The following OCSTAMP variants were observed in gnomAD, a reference collection of about 807,000 sequenced individuals.
The protein encoded by OCSTAMP is osteoclast stimulatory transmembrane protein, also known as transmembrane protein C20orf123.
Under a neutral mutation model 25.2 loss-of-function variants are expected in OCSTAMP, and 17 were observed. The ratio of observed to expected loss-of-function variants is 0.68; its 90% confidence interval spans 0.46 to 1.01. The LOEUF (loss-of-function observed/expected upper bound fraction) is 1.01. Among genes scored for constraint, OCSTAMP ranks in the 50% least tolerant of loss-of-function variants. OCSTAMP has a pLI of 0.00. For missense variants in OCSTAMP, 664 were observed against 694.6 expected (o/e 0.96, Z 0.50); for synonymous variants, 345 against 318.9 (o/e 1.08, Z -0.87).
chr20:46,541,074 G>T lies in OCSTAMP; in HGVS notation c.*200C>A. 1.9e-6 allele frequency: 1 copy of T among 536,140 alleles called. No individual in the cohort carries two copies. The highest frequency in any genetic ancestry group is 3.3e-6 in the Non-Finnish European group (1 of 301,434). 33.2% of individuals were successfully genotyped at this position (536,140 alleles called of 1,614,324 possible). ...TTTATTTATAAAATTAAAACTATGG[G>T]TTACTATAAATGAGTTTAGAGGATT... On this transcript the variant is annotated 3_prime_UTR_variant, in exon 3 of 3. Coordinates refer to ENST00000279028, the MANE Select transcript of OCSTAMP (RefSeq NM_080721.3).
chr20:46,544,554 A>C (rs2061845159), intron 2 of OCSTAMP, among the ~76,000 whole-genome samples: 1 of 152,280 alleles, frequency 6.6e-6, no homozygotes, highest in Admixed American at 6.5e-5. Flanking sequence ...AAAATTAAAA[A>C]TAAAAAGATC....
Position 46,550,579 on chromosome 20 carries a change from G to C in OCSTAMP, c.-19C>G. On this transcript the variant is annotated 5_prime_UTR_variant, in exon 1 of 3. Transcript: ENST00000279028. ...CTGGCATGCTGTCCAAATGGCAGTG[G>C]TTTCAGGCGGGCGGTCGCTGGCAGC... 1.3e-6 allele frequency: 2 copies of C among 1,551,556 alleles called. No individual in the cohort carries two copies. Among genetic ancestry groups the C allele is most frequent in the Non-Finnish European group, 1.7e-6 (2 of 1,146,888 alleles).
chr20:46,548,904 G>A lies in OCSTAMP; in HGVS notation c.44+1613C>T, dbSNP rs847075. The stretch of plus-strand genomic sequence containing the variant: ...ATTTTGCTGCAACGACAAAAAAACT[G>A]CCCTTTGTTGCCTTGAGAGCTAAGC... On this transcript the variant is annotated intron_variant, in intron 1 of 2. Transcript: ENST00000279028. Among the ~76,000 whole-genome samples the A allele has an allele frequency of 2.7e-3, 406 of 152,288 alleles. 1 individual carries two copies. The highest frequency in any genetic ancestry group is 9.3e-3 in the African/African-American group (387 of 41,560).
In OCSTAMP at chr20:46,541,474, G is replaced by T; in HGVS notation, c.1501C>A (p.Leu501Ile). Residue 501 changes from leucine to isoleucine, a missense_variant, in exon 3 of 3, where the codon CTT becomes ATT. Coordinates refer to ENST00000279028, the MANE Select transcript of OCSTAMP (RefSeq NM_080721.3). ...TESSEGEGKE[L>I]WSCRDLSCNL... The stretch of plus-strand genomic sequence containing the variant: ...CAACTCAGGTCTCTGCAACTCCAAA[G>T]CTCTTTCCCTTCTCCCTCACTGCTC... 1 of 1,550,386 alleles carries T rather than the reference G, an allele frequency of 6.5e-7. No individual in the cohort carries two copies. The highest frequency in any genetic ancestry group is 8.7e-7 in the Non-Finnish European group (1 of 1,145,776).
rs1333335001 is a variant in OCSTAMP at position 46,545,686 on chromosome 20, T to C, written c.688A>G (p.Thr230Ala). 1 of 1,551,596 alleles carries C rather than the reference T, an allele frequency of 6.4e-7. No individual in the cohort carries two copies. The highest frequency in any genetic ancestry group is 1.4e-5 in the African/African-American group (1 of 73,064). The change falls in exon 2 of 3, where the codon ACA becomes GCA. Residue 230 changes from threonine to alanine, a missense_variant. Thr to Ala is a moderately conservative substitution (Grantham distance 58). Transcript: ENST00000279028. Reference protein sequence around the residue: ...AAALGTQRVVTGLFMLGLLVE... With the variant: ...AAALGTQRVVAGLFMLGLLVE... ...AGGAGGCCCAACATAAACAGCCCTG[T>C]GACCACTCGCTGGGTCCCTAGCGCT...
intron 2 of OCSTAMP, among the ~76,000 whole-genome samples, chr20:46,544,311 A>G (rs1268718884): frequency 6.6e-6 from 1 of 152,232 alleles, no homozygotes; most frequent in Non-Finnish European, 1.5e-5. Flanking sequence ...CAAAAACCAT[A>G]CACTCCCTTA....
At chr20:46,542,682 TGGGCCCTGCAGTTTCCATA>T (rs1775145989) in intron 2 of OCSTAMP, among the ~76,000 whole-genome samples, 1 of 151,884 alleles carries the variant, frequency 6.6e-6, no homozygotes, top group Non-Finnish European at 1.5e-5. Context: ...TTATAAGCAC[TGGGCCCTGCAGTTTCCATA>T]GGTATGTCCA....
chr20:46,548,753 T>C (rs1308085403), intron 1 of OCSTAMP, among the ~76,000 whole-genome samples: 3 of 152,188 alleles, frequency 2.0e-5, no homozygotes, highest in African/African-American at 7.2e-5. Context: ...TGCTCCACCA[T>C]CAACAGCTTG....
At chr20:46,546,885 A>G (rs942486839) in intron 1 of OCSTAMP, among the ~76,000 whole-genome samples, 8 of 152,174 alleles carry the variant, frequency 5.3e-5, no homozygotes, top group Non-Finnish European at 1.0e-4. Context: ...TTATTCATTC[A>G]ACAAGTGTTT....
chr20:46,542,565 ACT>A (rs2061837824), intron 2 of OCSTAMP, among the ~76,000 whole-genome samples: 1 of 62,856 alleles, frequency 1.6e-5, no homozygotes, highest in Non-Finnish European at 3.5e-5. Context: ...ACACAGCAAG[ACT>A]CTGTCTCAAA....
chr20:46,541,438 G>A lies in OCSTAMP; in HGVS notation c.1537C>T (p.Pro513Ser). Reference protein sequence around the residue: ...SCRDLSCNLGPVPPPCVTLGK... With the variant: ...SCRDLSCNLGSVPPPCVTLGK... The stretch of plus-strand genomic sequence containing the variant: ...AAGGTCACACAGGGAGGCGGCACAG[G>A]ACCAAGGTTACAACTCAGGTCTCTG... The change falls in exon 3 of 3, where the codon CCT becomes TCT. Residue 513 changes from proline to serine, a missense_variant. Physicochemically the swap from Pro to Ser is moderately conservative, Grantham distance 74 (BLOSUM62 -1). Coordinates refer to ENST00000279028, the MANE Select transcript of OCSTAMP (RefSeq NM_080721.3). 2.0e-6 allele frequency: 3 copies of A among 1,507,702 alleles called. No homozygotes were observed. Among genetic ancestry groups the A allele is most frequent in the Non-Finnish European group, 1.8e-6 (2 of 1,106,794 alleles). The allele number at this position is 1,507,702 out of a possible 1,614,324, so 93.4% of individuals were successfully genotyped here. A position where few individuals can be genotyped will look rare whatever the true frequency, so the allele number is the denominator to read the frequency against.
Position 46,545,435 on chromosome 20 carries a change from C to A in OCSTAMP, c.939G>T (p.Thr313=). The A allele has an allele frequency of 6.4e-7, 1 of 1,550,840 alleles. No individual in the cohort carries two copies. Among genetic ancestry groups the A allele is most frequent in the Non-Finnish European group, 8.7e-7 (1 of 1,146,654 alleles). The change falls in exon 2 of 3, where the codon ACG becomes ACT. Residue 313 remains threonine (T), a synonymous_variant. Transcript: ENST00000279028. ...CATGGTCTGTGGCCACCGCCACAGCCGTGGCCACGAGGAGCAGGGCAAGCA... is the reference window on the plus strand; with the variant it reads ...CATGGTCTGTGGCCACCGCCACAGCAGTGGCCACGAGGAGCAGGGCAAGCA... ...LGLLALLLVA[T]AVAVATDHVA...
At chr20:46,543,607 T>C (rs1214514250) in intron 2 of OCSTAMP, among the ~76,000 whole-genome samples, 1 of 152,126 alleles carries the variant, frequency 6.6e-6, no homozygotes, top group African/African-American at 2.4e-5. Context: ...GCTGGGATTA[T>C]AGATAGGCAT....
Position 46,541,494 on chromosome 20 carries a change from C to T in OCSTAMP, c.1481G>A (p.Ser494Asn). ...YRLDALRTES[S>N]EGEGKELWSC... is the part of the protein sequence containing the mutation. ...CCAAAGCTCTTTCCCTTCTCCCTCACTGCTCTCGGTTCTTAAGGCATCCAG... is the reference window on the plus strand; with the variant it reads ...CCAAAGCTCTTTCCCTTCTCCCTCATTGCTCTCGGTTCTTAAGGCATCCAG... The change falls in exon 3 of 3, where the codon AGT becomes AAT. Residue 494 changes from serine (S) to asparagine (N), a missense_variant. Coordinates refer to ENST00000279028, the MANE Select transcript of OCSTAMP (RefSeq NM_080721.3). The T allele has an allele frequency of 6.4e-7, 1 of 1,551,758 alleles. No individual in the cohort carries two copies. The highest frequency in any genetic ancestry group is 8.7e-7 in the Non-Finnish European group (1 of 1,146,974).
chr20:46,546,919 C>A (rs1397645765), intron 1 of OCSTAMP, among the ~76,000 whole-genome samples: 1 of 152,022 alleles, frequency 6.6e-6, no homozygotes, highest in African/African-American at 2.4e-5. Context: ...TTTGTGTTAA[C>A]CATTGGAGAA....
rs999511149 is a variant in OCSTAMP, at chr20:46,550,456, C to A, written c.44+61G>T. The A allele has an allele frequency of 5.5e-6, 8 of 1,442,196 alleles. No individual in the cohort carries two copies. In the Admixed American group the frequency reaches 1.2e-4, roughly 21 times the overall value. 89.3% of individuals were successfully genotyped at this position (1,442,196 alleles called of 1,614,324 possible). A position where few individuals can be genotyped will look rare whatever the true frequency, so the allele number is the denominator to read the frequency against. On this transcript the variant is annotated intron_variant, in intron 1 of 2. Coordinates refer to ENST00000279028, the MANE Select transcript of OCSTAMP (RefSeq NM_080721.3). ...TGAAGATTTGGGTTCATATCCATCA[C>A]CCCCAATGGCTGACTGTTTTCTCAC...
In OCSTAMP at chr20:46,550,644, T is replaced by G. The variant is rs922256896; in HGVS notation, c.-84A>C. 3 of 1,281,372 alleles carry G rather than the reference T, an allele frequency of 2.3e-6. No homozygotes were observed. The African/African-American group carries it at 4.4e-5, about 19-fold the overall frequency. The allele number at this position is 1,281,372 out of a possible 1,614,324, so 79.4% of individuals were successfully genotyped here. A position where few individuals can be genotyped will look rare whatever the true frequency, so the allele number is the denominator to read the frequency against. On this transcript the variant is annotated 5_prime_UTR_variant, in exon 1 of 3. Transcript: ENST00000279028. The stretch of plus-strand genomic sequence containing the variant: ...AGGAAGTGGGGGAATCGCTGGGACT[T>G]GGGAATCCCTGCCACTTCTGCTTTT...
chr20:46,546,002 G>A lies in OCSTAMP; in HGVS notation c.372C>T (p.Ser124=), dbSNP rs572667692. 136 of 1,551,392 alleles carry A rather than the reference G, an allele frequency of 8.8e-5. No individual in the cohort carries two copies. The highest frequency in any genetic ancestry group is 1.4e-4 in the African/African-American group (10 of 73,192). The change falls in exon 2 of 3, where the codon TCC becomes TCT. Residue 124 remains serine, a synonymous_variant. Transcript: ENST00000279028. ...CAATGGCCAGGGTGGCAGTGCTGTA[G>A]GACAGGAGCAGCCGGCGGCCCTGCT... ...GMEQGRRLLL[S]YSTATLAIAV... is the part of the protein sequence containing the mutation.
chr20:46,545,859 C>T lies in OCSTAMP; in HGVS notation c.515G>A (p.Arg172Lys), dbSNP rs2146054001. The change falls in exon 2 of 3, where the codon AGG becomes AAG. Residue 172 changes from arginine (R) to lysine (K), a missense_variant. Arg to Lys is a conservative substitution (Grantham distance 26). Coordinates refer to ENST00000279028, the MANE Select transcript of OCSTAMP (RefSeq NM_080721.3). ...TGCCTGGCCTGTGGGGCCCAGAGCC[C>T]TGGATGCTGCATGCAGCTGGTGAGT... is the stretch of plus-strand genomic sequence containing the variant. ...NTTHQLHAASRALGPTGQAGS... is the reference protein window; with the variant it reads ...NTTHQLHAASKALGPTGQAGS... 6 of 1,551,356 alleles carry T rather than the reference C, an allele frequency of 3.9e-6. No homozygotes were observed. The highest frequency in any genetic ancestry group is 5.2e-6 in the Non-Finnish European group (6 of 1,146,990).
Sources: gnomAD v4.1 joint callset for allele counts (sites outside exome capture counted in the v4.1 genomes callset) on GRCh38, gnomAD v4.1.1 for gene constraint, MANE v1.5 for transcripts, NCBI Gene and HGNC (gene_info 2026-07-23, HGNC 2026-07-21) for gene names.